The following GRIN2B variants were observed in gnomAD, a reference collection of about 807,000 sequenced individuals.
The protein encoded by GRIN2B is glutamate receptor ionotropic, NMDA 2B.
In GRIN2B, 5 loss-of-function variants were observed where a neutral mutation model predicts 114.5. That is an observed-to-expected ratio of 0.04 (90% CI 0.02 to 0.09). GRIN2B has a LOEUF of 0.09. GRIN2B is among the 10% of genes least tolerant of loss of function. The pLI is 1.00. For synonymous variants in GRIN2B, 787 were observed against 745.1 expected, an observed-to-expected ratio of 1.06 and a Z score of -0.92; for missense variants, 1,108 against 1,943.5, an observed-to-expected ratio of 0.57 and a Z score of 8.08.
chr12:13,683,966 A>T (rs1950154686), intron 4 of GRIN2B: 1 of 152,210 alleles, frequency 6.6e-6, no homozygotes, highest in Non-Finnish European at 1.5e-5. Flanking sequence ...CAATGATGTC[A>T]TGCTTTGGCC....
At chr12:13,888,022 G>A (rs866091884) in intron 2 of GRIN2B, among the ~76,000 whole-genome samples, 9 of 152,120 alleles carry the variant, frequency 5.9e-5, no homozygotes, top group African/African-American at 1.9e-4. Flanking sequence ...TTCCAAGTCA[G>A]TTGAGCAAAC....
At chr12:13,648,440 C>T (rs889783488) in intron 5 of GRIN2B, among the ~76,000 whole-genome samples, 6 of 151,974 alleles carry the variant, frequency 3.9e-5, no homozygotes, top group Non-Finnish European at 5.9e-5. Flanking sequence ...ACAGCTGGCA[C>T]TGGCTTTAAC....
chr12:13,863,566 T>G (rs1161492099), intron 3 of GRIN2B, among the ~76,000 whole-genome samples: 2 of 152,152 alleles, frequency 1.3e-5, no homozygotes, highest in Non-Finnish European at 2.9e-5. Context: ...TTAAATAATA[T>G]CACTTAGGTC....
At chr12:13,805,429 C>G (rs10845841) in intron 3 of GRIN2B, among the ~76,000 whole-genome samples, 84,438 of 151,896 alleles carry the variant, frequency 0.56, 24,161 homozygotes, top group Non-Finnish European at 0.63. Flanking sequence ...TGGTATTGTT[C>G]TTTTCCTTGA....
intron 2 of GRIN2B, among the ~76,000 whole-genome samples, chr12:13,927,982 A>AAAAG (rs71067738): frequency 7.7e-6 from 1 of 129,700 alleles, no homozygotes; most frequent in Non-Finnish European, 1.7e-5. Context: ...AAAAAAAAAA[A>AAAAG]GGGGGGGTAT....
At chr12:13,839,528 C>T (rs1387022864) in intron 3 of GRIN2B, among the ~76,000 whole-genome samples, 8 of 152,182 alleles carry the variant, frequency 5.3e-5, no homozygotes, top group African/African-American at 1.9e-4. Context: ...TATAGCTCAA[C>T]GAAGCACTCT....
At chr12:13,857,333 G>A (rs933649845) in intron 3 of GRIN2B, among the ~76,000 whole-genome samples, 23 of 151,738 alleles carry the variant, frequency 1.5e-4, no homozygotes, top group African/African-American at 4.6e-4. Context: ...TTAACATGCC[G>A]GTTCTCTAAG....
chr12:13,872,040 T>C (rs570849374), intron 2 of GRIN2B, among the ~76,000 whole-genome samples: 1 of 151,928 alleles, frequency 6.6e-6, no homozygotes, highest in Admixed American at 6.5e-5. Context: ...GTGGTACAGA[T>C]GGTTTTATAG....
At chr12:13,827,099 T>C (rs1221369241) in intron 3 of GRIN2B, among the ~76,000 whole-genome samples, 1 of 151,640 alleles carries the variant, frequency 6.6e-6, no homozygotes, top group East Asian at 1.9e-4. Context: ...TGATGAGAAG[T>C]CTGCTGCTAT....
chr12:13,949,317 G>A (rs888842306), intron 2 of GRIN2B, among the ~76,000 whole-genome samples: 2 of 152,174 alleles, frequency 1.3e-5, no homozygotes, highest in Non-Finnish European at 2.9e-5. Context: ...CTCAAACAGA[G>A]TTTCCAATCT....
At chr12:13,680,102 A>T (rs1950113485) in intron 4 of GRIN2B, among the ~76,000 whole-genome samples, 1 of 152,152 alleles carries the variant, frequency 6.6e-6, no homozygotes, top group South Asian at 2.1e-4. Context: ...AATGAAATAC[A>T]TCTGAAAAAT....
chr12:13,714,623 C>CA (rs1208779170), intron 4 of GRIN2B, among the ~76,000 whole-genome samples: 2 of 151,794 alleles, frequency 1.3e-5, no homozygotes, highest in African/African-American at 4.8e-5. Flanking sequence ...ATCTTAAGCC[C>CA]AAAGGGGGAA....
At chr12:13,577,115 C>G (rs574066808) in intron 10 of GRIN2B, among the ~76,000 whole-genome samples, 1 of 152,160 alleles carries the variant, frequency 6.6e-6, no homozygotes, top group African/African-American at 2.4e-5. Flanking sequence ...GCTAGCTGAA[C>G]AGTCCTACTG....
chr12:13,557,792 TATC>T lies in GRIN2B; in HGVS notation c.*4988_*4990del, dbSNP rs1320134215. ...TCTCTGCTCCCTTCCTCTTCTCTTG[TATC>T]ATAACTTATTCCCAGGAAAAGGAGT... On this transcript the variant is annotated 3_prime_UTR_variant, in exon 14 of 14. Coordinates refer to ENST00000609686, the MANE Select transcript of GRIN2B (RefSeq NM_000834.5). 1 of 152,238 alleles carries T rather than the reference TATC, an allele frequency of 6.6e-6. No individual in the cohort carries two copies. The highest frequency in any genetic ancestry group is 2.4e-5 in the African/African-American group (1 of 41,466). The allele number at this position is 152,238 out of a possible 1,614,324, so 9.4% of individuals were successfully genotyped here. A position where few individuals can be genotyped will look rare whatever the true frequency, so the allele number is the denominator to read the frequency against.
In GRIN2B at chr12:13,611,351, T is replaced by G. The variant is rs543226265; in HGVS notation, c.1780+374A>C. The stretch of plus-strand genomic sequence containing the variant: ...TGGGGCAATCCATTTCTTCTTGTTC[T>G]TAACATGTGTGTACAATCTGCCTTG... On this transcript the variant is annotated intron_variant, in intron 9 of 13. Transcript: ENST00000609686. Among the ~76,000 whole-genome samples, 4 of 152,334 alleles carry G rather than the reference T, an allele frequency of 2.6e-5. 1 individual carries two copies. The South Asian group carries it at 6.2e-4, about 24-fold the overall frequency.
chr12:13,731,655 C>A (rs1367204896), intron 4 of GRIN2B, among the ~76,000 whole-genome samples: 1 of 152,144 alleles, frequency 6.6e-6, no homozygotes, highest in South Asian at 2.1e-4. Flanking sequence ...CAGCTTTGAC[C>A]ATTTTGTCCC....
At chr12:13,800,083 T>C (rs1283607778) in intron 3 of GRIN2B, among the ~76,000 whole-genome samples, 8 of 152,160 alleles carry the variant, frequency 5.3e-5, no homozygotes. Context: ...ACCCAACCGA[T>C]GTGTGCCATT....
chr12:13,883,022 G>A (rs1866094284), intron 2 of GRIN2B, among the ~76,000 whole-genome samples: 1 of 152,126 alleles, frequency 6.6e-6, no homozygotes, highest in African/African-American at 2.4e-5. Flanking sequence ...AGCCTTTTGT[G>A]TCTGACTTTC....
chr12:13,674,444 T>C (rs1950051739), intron 5 of GRIN2B, among the ~76,000 whole-genome samples: 1 of 152,094 alleles, frequency 6.6e-6, no homozygotes, highest in Non-Finnish European at 1.5e-5. Flanking sequence ...CATGATAGAT[T>C]GAGGTCTTTC....
Sources: gnomAD v4.1 joint callset for allele counts (sites outside exome capture counted in the v4.1 genomes callset) on GRCh38, gnomAD v4.1.1 for gene constraint, MANE v1.5 for transcripts, NCBI Gene and HGNC (gene_info 2026-07-23, HGNC 2026-07-21) for gene names.